Variants in ARID1B observed in about 807,000 individuals in gnomAD.
ARID1B encodes the protein AT-rich interaction domain 1B, also known as AT-rich interactive domain-containing protein 1B.
A neutral mutation model predicts 212.3 loss-of-function variants in ARID1B; 30 were observed. The ratio of observed to expected loss-of-function variants is 0.14; its 90% CI spans 0.11 to 0.19. ARID1B has a LOEUF of 0.19. ARID1B is among the 10% of genes least tolerant of loss of function. ARID1B has a pLI of 1.00. For missense variants in ARID1B, 2,891 were observed against 3,204.0 expected (o/e 0.90, Z 2.36); for synonymous variants, 1,402 against 1,301.7 (o/e 1.08, Z -1.66).
intron 2 of ARID1B, among the ~76,000 whole-genome samples, chr6:156,840,671 G>C (rs188280872): frequency 1.3e-5 from 2 of 152,298 alleles, no homozygotes; most frequent in African/African-American, 4.8e-5. Context: ...TGAGAACAAA[G>C]CCTGCAGACA....
rs546466884 is a variant in ARID1B at position 156,999,307 on chromosome 6, C to T, written c.2247+63731C>T. 2.0e-5 allele frequency among the ~76,000 whole-genome samples: 3 copies of T among 152,326 alleles called. No individual in the cohort carries two copies. The South Asian group carries it at 6.2e-4, about 32-fold the overall frequency. On this transcript the variant is annotated intron_variant, in intron 4 of 19. Coordinates refer to ENST00000636930, the MANE Select transcript of ARID1B (RefSeq NM_001374828.1). Reference sequence around the variant, plus strand: ...GTCAGATAAAGCCCAACTGTGCATACAAGTTATGTGACATTGGAAAGGATT... The same window carrying T: ...GTCAGATAAAGCCCAACTGTGCATATAAGTTATGTGACATTGGAAAGGATT...
chr6:157,205,110 A>G (rs1022288700), intron 19 of ARID1B: 1 of 152,216 alleles, frequency 6.6e-6, no homozygotes, highest in Non-Finnish European at 1.5e-5. Context: ...CATAACCAGA[A>G]TTGCTTTATT....
intron 9 of ARID1B, chr6:157,173,606 C>T (rs1791872479): frequency 6.4e-6 from 1 of 155,682 alleles, no homozygotes; most frequent in Non-Finnish European, 1.4e-5. Context: ...TGAGAAGGCA[C>T]TAAATCCTCT....
At chr6:157,047,655 C>T (rs1433524777) in intron 4 of ARID1B, among the ~76,000 whole-genome samples, 6 of 152,136 alleles carry the variant, frequency 3.9e-5, no homozygotes, top group Admixed American at 2.6e-4. Context: ...CATGGCCTCA[C>T]GTGCTATGTG....
chr6:157,181,212 A>G (rs1376416840), intron 12 of ARID1B, 34 bp downstream of exon 12: 2 of 1,607,052 alleles, frequency 1.2e-6, no homozygotes, highest in East Asian at 4.5e-5. Flanking sequence ...TGAAAAAGGA[A>G]GCATTGTGGA....
chr6:157,089,669 C>T (rs1456111227), intron 5 of ARID1B, among the ~76,000 whole-genome samples: 1 of 152,138 alleles, frequency 6.6e-6, no homozygotes, highest in East Asian at 1.9e-4. Flanking sequence ...AGTGCCATCA[C>T]AAATTTTCTT....
intron 2 of ARID1B, among the ~76,000 whole-genome samples, chr6:156,863,776 T>C (rs1173310670): frequency 1.3e-5 from 2 of 152,214 alleles, no homozygotes; most frequent in East Asian, 1.9e-4. Context: ...GTTTTTCAGC[T>C]GTTGGTTGGA....
rs965546597 is a variant in ARID1B, at chr6:156,779,633, CG to C, written c.1791+166del. The C allele has an allele frequency of 4.9e-6, 3 of 617,948 alleles. No homozygotes were observed. The African/African-American group carries it at 6.0e-5, about 12-fold the overall frequency. The allele number at this position is 617,948 out of a possible 1,614,324, so 38.3% of individuals were successfully genotyped here. ...ACGGGCGGCCGCCTCCCGCCGCGGT[CG>C]GGGCGCCCCGGGGGCCGGCGCGCTG... On this transcript the variant is annotated intron_variant, in intron 1 of 19. Coordinates refer to ENST00000636930, the MANE Select transcript of ARID1B (RefSeq NM_001374828.1).
chr6:156,862,459 A>G (rs1785399898), intron 2 of ARID1B, among the ~76,000 whole-genome samples: 1 of 152,242 alleles, frequency 6.6e-6, no homozygotes, highest in Non-Finnish European at 1.5e-5. Flanking sequence ...AAGAGGGCAC[A>G]GTGAGAAAGT....
intron 7 of ARID1B, among the ~76,000 whole-genome samples, chr6:157,142,395 G>A (rs112592428): frequency 1.7e-4 from 26 of 152,230 alleles, no homozygotes; most frequent in African/African-American, 6.0e-4. Flanking sequence ...GGAGGCCCGC[G>A]CGGGTATATT....
rs929040332 is a variant in ARID1B, at chr6:156,957,702, C to T, written c.2247+22126C>T. Reference sequence around the variant, plus strand: ...TGTAAAGGGGATCAGGAAGTCTTTTCTCCCACGAGTCTCAAATAATTTCAT... The same window carrying T: ...TGTAAAGGGGATCAGGAAGTCTTTTTTCCCACGAGTCTCAAATAATTTCAT... On this transcript the variant is annotated intron_variant, in intron 4 of 19. Transcript: ENST00000636930. Among the ~76,000 whole-genome samples the T allele has an allele frequency of 5.9e-5, 9 of 152,246 alleles. No homozygotes were observed. The East Asian group carries it at 1.7e-3, about 29-fold the overall frequency.
At chr6:156,827,949 C>T (rs368185812) in intron 1 of ARID1B, among the ~76,000 whole-genome samples, 9 of 151,376 alleles carry the variant, frequency 5.9e-5, no homozygotes, top group African/African-American at 2.2e-4. Context: ...TTAGTAGAGA[C>T]GGGGTTTCAC....
chr6:157,120,456 G>T (rs1041788416), intron 6 of ARID1B, among the ~76,000 whole-genome samples: 3 of 152,222 alleles, frequency 2.0e-5, no homozygotes, highest in East Asian at 1.9e-4. Context: ...GGCGCGGGGG[G>T]CCTGGGTTAA....
chr6:156,926,110 A>G (rs1466454708), intron 3 of ARID1B, among the ~76,000 whole-genome samples: 2 of 152,154 alleles, frequency 1.3e-5, no homozygotes, highest in Non-Finnish European at 2.9e-5. Flanking sequence ...GAAATAGGAC[A>G]CCAGGCCTTT....
chr6:156,794,147 C>G (rs1261951415), intron 1 of ARID1B, among the ~76,000 whole-genome samples: 2 of 152,142 alleles, frequency 1.3e-5, no homozygotes, highest in African/African-American at 2.4e-5. Flanking sequence ...GGAAGCCCAC[C>G]TTTCTGTCTG....
chr6:157,161,421 T>TTGTGTGTGTG (rs527696446), intron 8 of ARID1B, among the ~76,000 whole-genome samples: 29 of 135,838 alleles, frequency 2.1e-4, no homozygotes, highest in African/African-American at 8.8e-4. Flanking sequence ...TCTGTTTTGA[T>TTGTGTGTGTG]TGTGTGTGTG....
intron 4 of ARID1B, among the ~76,000 whole-genome samples, chr6:157,065,748 A>G (rs1486638089): frequency 6.6e-6 from 1 of 152,252 alleles, no homozygotes; most frequent in African/African-American, 2.4e-5. Flanking sequence ...ATCAGGAGAA[A>G]TAAGACCGTA....
At chr6:157,087,537 GTTGAT>G (rs750435661) in intron 5 of ARID1B, among the ~76,000 whole-genome samples, 11 of 152,318 alleles carry the variant, frequency 7.2e-5, no homozygotes, top group Admixed American at 2.0e-4. Flanking sequence ...CTCAGTGCTT[GTTGAT>G]TCTTACGATG....
chr6:157,114,293 C>T lies in ARID1B; in HGVS notation c.2581+3732C>T, dbSNP rs181457624. Among the ~76,000 whole-genome samples the T allele has an allele frequency of 2.1e-4, 32 of 151,968 alleles. No homozygotes were observed. The East Asian group carries it at 6.2e-3, about 29-fold the overall frequency. On this transcript the variant is annotated intron_variant, in intron 6 of 19. Transcript: ENST00000636930. Reference sequence around the variant, plus strand: ...AATCCCAGTATTTGGGAGGTTGAGGCGGGTGGATCACTTGAGGTCAGGAGT... The same window carrying T: ...AATCCCAGTATTTGGGAGGTTGAGGTGGGTGGATCACTTGAGGTCAGGAGT...
Sources: gnomAD v4.1 joint callset for allele counts (sites outside exome capture counted in the v4.1 genomes callset) on GRCh38, gnomAD v4.1.1 for gene constraint, MANE v1.5 for transcripts, NCBI Gene and HGNC (gene_info 2026-07-23, HGNC 2026-07-21) for gene names.